The following CATSPERT variants were observed in gnomAD, a reference collection of about 807,000 sequenced individuals.
The protein encoded by CATSPERT is cation channel sperm-associated targeting subunit tau.
At chr2:201,530,961 G>GTTTTTTTTT in the CATSPERT span, among the ~76,000 whole-genome samples, 1,961 of 105,914 alleles carry the variant, frequency 0.019, 92 homozygotes, top group East Asian at 0.027. Context: ...TTTTTTGTGG[G>GTTTTTTTTT]TTTTTTTTTT....
chr2:201,488,031 T>C, the CATSPERT span: 1 of 722,346 alleles, frequency 1.4e-6, no homozygotes, highest in South Asian at 2.0e-5. Flanking sequence ...AAGTTTATAA[T>C]AGCAACAGTT....
the CATSPERT span, among the ~76,000 whole-genome samples, chr2:201,556,426 G>A: frequency 6.6e-6 from 1 of 151,306 alleles, no homozygotes; most frequent in Non-Finnish European, 1.5e-5. Context: ...GAAGAATGGC[G>A]TGAACCCGGG....
chr2:201,615,075 A>G, the CATSPERT span, among the ~76,000 whole-genome samples: 1 of 152,210 alleles, frequency 6.6e-6, no homozygotes, highest in Non-Finnish European at 1.5e-5. Flanking sequence ...AGAGACCTAC[A>G]AAGAGACTTA....
the CATSPERT span, chr2:201,545,631 A>AC: frequency 1.1e-5 from 2 of 190,206 alleles, no homozygotes; most frequent in South Asian, 7.3e-5. Flanking sequence ...CCTAGAAGCA[A>AC]AAAAAAAAAA....
At chr2:201,495,784 C>A in the CATSPERT span, 102 of 401,290 alleles carry the variant, frequency 2.5e-4, no homozygotes, top group East Asian at 6.0e-4. Context: ...GTATTTTTTA[C>A]AGTAGCCAGG....
chr2:201,606,255 G>A, the CATSPERT span, among the ~76,000 whole-genome samples: 133,111 of 152,250 alleles, frequency 0.87, 59,268 homozygotes, highest in South Asian at 0.98. Flanking sequence ...GTCCTAGTAA[G>A]ATTATTAGGC....
the CATSPERT span, among the ~76,000 whole-genome samples, chr2:201,561,232 T>C: frequency 6.6e-6 from 1 of 152,144 alleles, no homozygotes; most frequent in Non-Finnish European, 1.5e-5. Flanking sequence ...CAAATGAAAA[T>C]TGCAGCATAT....
the CATSPERT span, among the ~76,000 whole-genome samples, chr2:201,612,913 T>TGGCTTGGAAGGTCCCACGCCC: frequency 6.6e-6 from 1 of 152,198 alleles, no homozygotes; most frequent in Non-Finnish European, 1.5e-5. Flanking sequence ...ATCCCATGCC[T>TGGCTTGGAAGGTCCCACGCCC]GGCTTGGAAG....
chr2:201,493,922 C>T, the CATSPERT span: 7 of 1,537,150 alleles, frequency 4.6e-6, no homozygotes, highest in South Asian at 5.9e-5. Context: ...GGTCCACTTT[C>T]TAAAAATGAA....
the CATSPERT span, among the ~76,000 whole-genome samples, chr2:201,522,107 C>T: frequency 1.3e-5 from 2 of 152,170 alleles, no homozygotes; most frequent in African/African-American, 2.4e-5. Flanking sequence ...AACAAGACAC[C>T]ACCACCCACT....
chr2:201,561,351 CT>C, the CATSPERT span, among the ~76,000 whole-genome samples: 1 of 152,088 alleles, frequency 6.6e-6, no homozygotes, highest in South Asian at 2.1e-4. Flanking sequence ...ACATATACGA[CT>C]TTTTTAAAAA....
the CATSPERT span, among the ~76,000 whole-genome samples, chr2:201,517,996 C>T: frequency 6.6e-6 from 1 of 152,116 alleles, no homozygotes; most frequent in African/African-American, 2.4e-5. Flanking sequence ...CAGGCAGAGG[C>T]TCTAATCAGT....
the CATSPERT span, among the ~76,000 whole-genome samples, chr2:201,605,922 C>T: frequency 2.1e-4 from 32 of 151,908 alleles, no homozygotes; most frequent in Non-Finnish European, 4.3e-4. Flanking sequence ...GACAAACCAT[C>T]CCAGAAATAA....
chr2:201,530,961 G>GTTTTTTTT, the CATSPERT span, among the ~76,000 whole-genome samples: 17,286 of 105,488 alleles, frequency 0.16, 2,666 homozygotes, highest in Non-Finnish European at 0.23. Context: ...TTTTTTGTGG[G>GTTTTTTTT]TTTTTTTTTT....
the CATSPERT span, among the ~76,000 whole-genome samples, chr2:201,587,808 G>C: frequency 6.6e-6 from 1 of 151,922 alleles, no homozygotes; most frequent in Non-Finnish European, 1.5e-5. Flanking sequence ...AAACGACAAG[G>C]GGGATATTGC....
At chr2:201,545,335 C>A in the CATSPERT span, among the ~76,000 whole-genome samples, 1 of 152,036 alleles carries the variant, frequency 6.6e-6, no homozygotes, top group Non-Finnish European at 1.5e-5. Context: ...CCGTGCCTGG[C>A]CTTAAAACTT....
At chr2:201,595,645 T>C in the CATSPERT span, among the ~76,000 whole-genome samples, 1 of 151,306 alleles carries the variant, frequency 6.6e-6, no homozygotes, top group Non-Finnish European at 1.5e-5. Flanking sequence ...AGTCTGCCCG[T>C]TCTCAGATCT....
chr2:201,595,906 C>CAAAAA, the CATSPERT span, among the ~76,000 whole-genome samples: 2 of 142,084 alleles, frequency 1.4e-5, no homozygotes, highest in African/African-American at 2.7e-5. Context: ...ACTAAAAACT[C>CAAAAA]AAAAAAAAAA....
the CATSPERT span, chr2:201,545,480 T>C: frequency 9.0e-7 from 1 of 1,106,140 alleles, no homozygotes; most frequent in Non-Finnish European, 1.3e-6. Flanking sequence ...AATTGTCTTT[T>C]TGTGATATAA....
Sources: allele counts gnomAD v4.1 joint callset (sites outside exome capture counted in the v4.1 genomes callset), GRCh38; gene constraint gnomAD v4.1.1; transcripts MANE v1.5; gene names NCBI Gene and HGNC (gene_info 2026-07-23, HGNC 2026-07-21).